GMDS: variants seen among roughly 807,000 people sequenced by gnomAD.
GMDS encodes GDP-mannose 4,6-dehydratase, also known as GDP-mannose 4,6 dehydratase.
GMDS carries 20 observed loss-of-function variants against 49.9 expected under a neutral mutation model. The ratio of observed to expected loss-of-function variants is 0.40; its 90% CI spans 0.28 to 0.58. The LOEUF (loss-of-function observed/expected upper bound fraction) is 0.58. GMDS is among the 20% of genes least tolerant of loss of function. GMDS has a pLI of 0.42. For synonymous variants in GMDS, 177 were observed against 178.6 expected (o/e 0.99, Z 0.07); for missense variants, 362 against 481.4 (o/e 0.75, Z 2.32).
Position 2,239,981 on chromosome 6 carries a change from G to T in GMDS, c.102+5340C>A, listed in dbSNP as rs568319607. 2.0e-5 allele frequency among the ~76,000 whole-genome samples: 3 copies of T among 152,290 alleles called. No homozygotes were observed. In the East Asian group the frequency reaches 5.8e-4, roughly 29 times the overall value. On this transcript the variant is annotated intron_variant, in intron 1 of 10. Transcript: ENST00000380815. Reference sequence around the variant, plus strand: ...CCCAAAGTGCTGGGACCACAGGTGTGAGCCACCACGCCCAGCCCAATAATG... The same window carrying T: ...CCCAAAGTGCTGGGACCACAGGTGTTAGCCACCACGCCCAGCCCAATAATG...
At chr6:1,772,932 C>A (rs557445196) in intron 7 of GMDS, among the ~76,000 whole-genome samples, 1 of 152,206 alleles carries the variant, frequency 6.6e-6, no homozygotes, top group Non-Finnish European at 1.5e-5. Flanking sequence ...TAGCAGTTAA[C>A]TGTCATTAGC....
At chr6:2,088,338 T>C (rs920812231) in intron 4 of GMDS, among the ~76,000 whole-genome samples, 1 of 152,158 alleles carries the variant, frequency 6.6e-6, no homozygotes, top group African/African-American at 2.4e-5. Flanking sequence ...AGACATTAAC[T>C]TGTCTGTAAA....
At chr6:1,978,929 T>C (rs1329213608) in intron 4 of GMDS, among the ~76,000 whole-genome samples, 2 of 152,086 alleles carry the variant, frequency 1.3e-5, no homozygotes, top group Non-Finnish European at 2.9e-5. Flanking sequence ...ATCACAGCCT[T>C]CACTGGTGAT....
intron 6 of GMDS, 81 bp from the exon 7 acceptor site, chr6:1,930,311 C>A: frequency 8.5e-7 from 1 of 1,171,554 alleles, no homozygotes; most frequent in Non-Finnish European, 1.2e-6. Context: ...CCGATTTCGG[C>A]CTCTGGGCAT....
chr6:1,991,857 A>G (rs1362349790), intron 4 of GMDS, among the ~76,000 whole-genome samples: 1 of 152,216 alleles, frequency 6.6e-6, no homozygotes, highest in Non-Finnish European at 1.5e-5. Context: ...GTCCACCGTG[A>G]CTGGTGTCCT....
chr6:2,094,866 A>T (rs533719957), intron 4 of GMDS, among the ~76,000 whole-genome samples: 18 of 152,310 alleles, frequency 1.2e-4, no homozygotes, highest in African/African-American at 4.3e-4. Flanking sequence ...ATAAGCATAG[A>T]CACCTGCAAA....
rs146731731 is a variant in GMDS, at chr6:2,064,593, T to C, written c.345+51178A>G. Reference sequence around the variant, plus strand: ...CTCCTCCCCGATTCCCTACAATTTCTTCTATATTACCCATGCCCCTTCATC... The same window carrying C: ...CTCCTCCCCGATTCCCTACAATTTCCTCTATATTACCCATGCCCCTTCATC... On this transcript the variant is annotated intron_variant, in intron 4 of 10. Transcript: ENST00000380815. Among the ~76,000 whole-genome samples, 119 of 152,284 alleles carry C rather than the reference T, an allele frequency of 7.8e-4. No homozygotes were observed. In the East Asian group the frequency reaches 8.7e-3, roughly 11 times the overall value.
At chr6:2,091,481 C>A (rs1197499507) in intron 4 of GMDS, among the ~76,000 whole-genome samples, 1 of 152,266 alleles carries the variant, frequency 6.6e-6, no homozygotes, top group African/African-American at 2.4e-5. Context: ...TACTTTTAGT[C>A]TGAAAAACAT....
intron 1 of GMDS, among the ~76,000 whole-genome samples, chr6:2,220,976 C>T (rs1314354093): frequency 2.0e-5 from 3 of 152,112 alleles, no homozygotes; most frequent in African/African-American, 7.2e-5. Context: ...TAGGAGTTCA[C>T]AACCAGCGTG....
chr6:1,932,256 G>A (rs905214577), intron 6 of GMDS, among the ~76,000 whole-genome samples: 2 of 152,128 alleles, frequency 1.3e-5, no homozygotes, highest in South Asian at 2.1e-4. Context: ...GAGGGCTATC[G>A]CTGATAGCAC....
intron 9 of GMDS, among the ~76,000 whole-genome samples, chr6:1,655,524 T>A (rs971346027): frequency 5.6e-4 from 83 of 148,176 alleles, no homozygotes; most frequent in South Asian, 1.1e-3. Flanking sequence ...CACACATATT[T>A]TTTTTTTTTG....
At chr6:1,972,877 T>C (rs1212065588) in intron 4 of GMDS, among the ~76,000 whole-genome samples, 1 of 152,152 alleles carries the variant, frequency 6.6e-6, no homozygotes, top group East Asian at 1.9e-4. Flanking sequence ...AGATTAAGAG[T>C]CAGTTTCCTT....
At chr6:1,827,270 T>C (rs1273496895) in intron 7 of GMDS, among the ~76,000 whole-genome samples, 2 of 152,002 alleles carry the variant, frequency 1.3e-5, no homozygotes, top group Non-Finnish European at 2.9e-5. Flanking sequence ...TAAATACATG[T>C]TTTGGAAAAC....
chr6:1,798,286 C>G (rs1769818225), intron 7 of GMDS, among the ~76,000 whole-genome samples: 1 of 143,958 alleles, frequency 6.9e-6, no homozygotes, highest in Non-Finnish European at 1.5e-5. Flanking sequence ...CACACACACT[C>G]CTGTCTTAAA....
chr6:1,913,781 A>G (rs1761205118), intron 7 of GMDS, among the ~76,000 whole-genome samples: 1 of 152,228 alleles, frequency 6.6e-6, no homozygotes, highest in Non-Finnish European at 1.5e-5. Context: ...AAACGAAGCC[A>G]GATGGTTCTG....
chr6:1,966,840 C>T (rs1398881685), intron 4 of GMDS, among the ~76,000 whole-genome samples: 1 of 152,188 alleles, frequency 6.6e-6, no homozygotes, highest in African/African-American at 2.4e-5. Flanking sequence ...ACACTTCCTT[C>T]CCTGCACAGT....
chr6:2,183,515 T>A (rs1005027004), intron 1 of GMDS, among the ~76,000 whole-genome samples: 12 of 152,200 alleles, frequency 7.9e-5, no homozygotes, highest in Admixed American at 7.8e-4. Context: ...TCTGTTGAGA[T>A]CAAATCTACT....
chr6:1,922,310 G>A (rs893186181), intron 7 of GMDS, among the ~76,000 whole-genome samples: 29 of 152,150 alleles, frequency 1.9e-4, no homozygotes, highest in African/African-American at 7.0e-4. Flanking sequence ...TGTTAAGTAA[G>A]GCCTTACTAA....
At chr6:1,682,199 GAT>G (rs1764813186) in intron 9 of GMDS, among the ~76,000 whole-genome samples, 4 of 152,264 alleles carry the variant, frequency 2.6e-5, no homozygotes, top group African/African-American at 7.2e-5. Flanking sequence ...GTAATTTCAT[GAT>G]ATGTCTTTAT....
Sources: allele counts gnomAD v4.1 joint callset (sites outside exome capture counted in the v4.1 genomes callset), GRCh38; gene constraint gnomAD v4.1.1; transcripts MANE v1.5; gene names NCBI Gene and HGNC (gene_info 2026-07-23, HGNC 2026-07-21).